The following TENM3 variants were observed in gnomAD, a reference collection of about 807,000 sequenced individuals.
TENM3 encodes teneurin-3.
A neutral mutation model predicts 255.1 loss-of-function variants in TENM3; 63 were observed. That is an observed-to-expected ratio of 0.25 (90% confidence interval 0.20 to 0.30). The LOEUF (loss-of-function observed/expected upper bound fraction) is 0.30. Ranked by LOEUF, TENM3 falls within the 10% of genes least tolerant of loss-of-function variation. The pLI is 1.00. For synonymous variants in TENM3, 1,306 were observed against 1,322.3 expected, an observed-to-expected ratio of 0.99 and a Z score of 0.27; for missense variants, 2,929 against 3,461.1, an observed-to-expected ratio of 0.85 and a Z score of 3.86.
chr4:181,795,802 G>A, the TENM3 span, among the ~76,000 whole-genome samples: 6 of 152,310 alleles, frequency 3.9e-5, no homozygotes, highest in Non-Finnish European at 7.4e-5. Context: ...TATATGCCAT[G>A]TAAAAATACC....
intron 1 of TENM3, among the ~76,000 whole-genome samples, chr4:182,317,026 T>C (rs1046084522): frequency 6.6e-6 from 1 of 152,206 alleles, no homozygotes. Flanking sequence ...GTTCCAGATA[T>C]TTTGTCTTTT....
chr4:181,861,986 C>T, the TENM3 span, among the ~76,000 whole-genome samples: 13 of 152,068 alleles, frequency 8.5e-5, no homozygotes, highest in African/African-American at 3.1e-4. Flanking sequence ...ACAGATTGAA[C>T]CCATGACCTC....
chr4:181,904,026 TCTC>T, the TENM3 span, among the ~76,000 whole-genome samples: 1 of 152,146 alleles, frequency 6.6e-6, no homozygotes, highest in East Asian at 1.9e-4. Flanking sequence ...CCATTCAACA[TCTC>T]CTCTTGGATG....
At chr4:181,817,622 G>A in the TENM3 span, among the ~76,000 whole-genome samples, 2,825 of 152,278 alleles carry the variant, frequency 0.019, 27 homozygotes, top group Non-Finnish European at 0.028. Context: ...AAGTGATCGG[G>A]TTACAAAGGC....
chr4:182,510,441 A>G (rs1010013292), intron 3 of TENM3, among the ~76,000 whole-genome samples: 3 of 152,222 alleles, frequency 2.0e-5, no homozygotes, highest in African/African-American at 7.2e-5. Context: ...ACTTCTCACT[A>G]TAATCCTTAG....
intron 5 of TENM3, among the ~76,000 whole-genome samples, chr4:182,649,526 T>C (rs937860434): frequency 2.0e-5 from 3 of 150,530 alleles, no homozygotes; most frequent in Non-Finnish European, 1.5e-5. Flanking sequence ...ATAAAAATTT[T>C]TCATGATTAA....
At chr4:182,486,122 G>A (rs886336945) in intron 3 of TENM3, among the ~76,000 whole-genome samples, 2 of 151,988 alleles carry the variant, frequency 1.3e-5, no homozygotes, top group Non-Finnish European at 2.9e-5. Flanking sequence ...TGCAGGTGTG[G>A]AAGAATAACC....
At chr4:182,442,048 G>A (rs1772532896) in intron 3 of TENM3, among the ~76,000 whole-genome samples, 2 of 152,154 alleles carry the variant, frequency 1.3e-5, no homozygotes, top group South Asian at 4.1e-4. Context: ...TGGTGAATCA[G>A]GCAAGGCTAA....
chr4:182,006,202 T>G, the TENM3 span, among the ~76,000 whole-genome samples: 4 of 152,188 alleles, frequency 2.6e-5, no homozygotes, highest in Non-Finnish European at 5.9e-5. Flanking sequence ...GGCTGTGAGT[T>G]TGTCATAAAT....
chr4:181,856,096 G>GAAGAAGGAAGGAAGGAAAGT, the TENM3 span, among the ~76,000 whole-genome samples: 1 of 128,158 alleles, frequency 7.8e-6, no homozygotes, highest in Non-Finnish European at 1.6e-5. Context: ...GGAAGGAAAG[G>GAAGAAGGAAGGAAGGAAAGT]GAAAGAAGGA....
chr4:181,694,501 A>C, the TENM3 span, among the ~76,000 whole-genome samples: 1 of 152,192 alleles, frequency 6.6e-6, no homozygotes, highest in Non-Finnish European at 1.5e-5. Context: ...TTTAAAGCAA[A>C]GGCAAGCTTA....
At chr4:182,061,551 A>G in the TENM3 span, among the ~76,000 whole-genome samples, 1 of 152,140 alleles carries the variant, frequency 6.6e-6, no homozygotes, top group South Asian at 2.1e-4. Flanking sequence ...CCGAAACTTT[A>G]TAAAATGCTC....
intron 3 of TENM3, among the ~76,000 whole-genome samples, chr4:182,359,657 T>TCC (rs1765822891): frequency 7.0e-6 from 1 of 143,798 alleles, no homozygotes; most frequent in African/African-American, 2.5e-5. Context: ...TTGTTGATTG[T>TCC]TTCAAAAAAC....
At chr4:182,009,818 G>C in the TENM3 span, among the ~76,000 whole-genome samples, 1 of 152,238 alleles carries the variant, frequency 6.6e-6, no homozygotes, top group Non-Finnish European at 1.5e-5. Flanking sequence ...GGGTTGGGAT[G>C]CTAGGCCCCG....
chr4:182,631,428 A>G (rs1335110743), intron 5 of TENM3: 2 of 152,194 alleles, frequency 1.3e-5, no homozygotes, highest in Non-Finnish European at 2.9e-5. Flanking sequence ...CACTAACACA[A>G]TGATTTTATT....
intron 3 of TENM3, among the ~76,000 whole-genome samples, chr4:182,547,578 G>A (rs1469551489): frequency 6.6e-6 from 1 of 152,064 alleles, no homozygotes; most frequent in Non-Finnish European, 1.5e-5. Context: ...ACAATCAGAG[G>A]AGGTTGCTAA....
At chr4:182,385,138 G>C (rs1767823979) in intron 3 of TENM3, among the ~76,000 whole-genome samples, 1 of 151,876 alleles carries the variant, frequency 6.6e-6, no homozygotes, top group Non-Finnish European at 1.5e-5. Context: ...CCTTCTGCTT[G>C]TCCAGATTAA....
chr4:181,839,440 G>A, the TENM3 span, among the ~76,000 whole-genome samples: 1 of 136,144 alleles, frequency 7.3e-6, no homozygotes, highest in East Asian at 2.2e-4. Context: ...CATATATTTT[G>A]TGTGCATTGA....
the TENM3 span, among the ~76,000 whole-genome samples, chr4:181,601,443 C>T: frequency 1.3e-5 from 2 of 152,158 alleles, no homozygotes; most frequent in East Asian, 1.9e-4. Context: ...AGGCCTCTCT[C>T]CTTGGCTGGC....
Sources: allele counts gnomAD v4.1 joint callset (sites outside exome capture counted in the v4.1 genomes callset), GRCh38; gene constraint gnomAD v4.1.1; transcripts MANE v1.5; gene names NCBI Gene and HGNC (gene_info 2026-07-23, HGNC 2026-07-21).